TMPRSS15: variants seen among roughly 807,000 people sequenced by gnomAD.
The protein encoded by TMPRSS15 is enteropeptidase.
A neutral mutation model predicts 125.3 loss-of-function variants in TMPRSS15; 128 were observed. The ratio of observed to expected loss-of-function variants is 1.02; its 90% CI spans 0.89 to 1.18. TMPRSS15 has a LOEUF of 1.18. Among genes scored for constraint, TMPRSS15 ranks in the 50% most tolerant of loss-of-function variants. The probability of loss-of-function intolerance (pLI) is 0.00; values close to 1 mark genes in which losing one functional copy is unlikely to be tolerated. For missense variants in TMPRSS15, 1,283 were observed against 1,212.7 expected (o/e 1.06, Z -0.86); for synonymous variants, 446 against 423.2 (o/e 1.05, Z -0.66).
intron 13 of TMPRSS15, among the ~76,000 whole-genome samples, chr21:18,332,955 G>C (rs904055530): frequency 6.6e-6 from 1 of 152,126 alleles, no homozygotes; most frequent in Admixed American, 6.6e-5. Context: ...GACATGGATG[G>C]AGCTGGAGAC....
At chr21:18,466,331 C>T (rs931031129) in intron 1 of TMPRSS15, among the ~76,000 whole-genome samples, 15 of 152,186 alleles carry the variant, frequency 9.9e-5, no homozygotes, top group African/African-American at 2.6e-4. Flanking sequence ...CTAGGCATTA[C>T]CATTCAGGAC....
chr21:18,291,796 C>T (rs7278018), intron 21 of TMPRSS15, among the ~76,000 whole-genome samples: 53,861 of 151,968 alleles, frequency 0.35, 11,285 homozygotes, highest in East Asian at 0.58. Flanking sequence ...GAGTAAAATG[C>T]GTGGTTGGTA....
At chr21:18,316,652 G>T (rs917249465) in intron 16 of TMPRSS15, among the ~76,000 whole-genome samples, 1 of 151,856 alleles carries the variant, frequency 6.6e-6, no homozygotes, top group African/African-American at 2.4e-5. Context: ...GAAGAAACTG[G>T]GTAGATCTGG....
At chr21:18,280,585 A>AAAACAACAAC (rs1160050825) in intron 22 of TMPRSS15, among the ~76,000 whole-genome samples, 5 of 148,302 alleles carry the variant, frequency 3.4e-5, no homozygotes, top group African/African-American at 1.0e-4. Flanking sequence ...CAAAAAAAAA[A>AAAACAACAAC]AAAAAAAAAA....
chr21:18,460,598 ACT>A (rs1265940878), intron 1 of TMPRSS15: 1 of 152,176 alleles, frequency 6.6e-6, no homozygotes, highest in African/African-American at 2.4e-5. Flanking sequence ...GCAAATGCAA[ACT>A]CTGCAGGGTG....
At chr21:18,479,336 C>T (rs910766453) in intron 1 of TMPRSS15, among the ~76,000 whole-genome samples, 1 of 151,748 alleles carries the variant, frequency 6.6e-6, no homozygotes, top group African/African-American at 2.4e-5. Flanking sequence ...CAGAATTCAC[C>T]AAAACTTAGG....
At chr21:18,409,510 T>A (rs1161716133) in intron 1 of TMPRSS15, among the ~76,000 whole-genome samples, 1 of 152,144 alleles carries the variant, frequency 6.6e-6, no homozygotes, top group Non-Finnish European at 1.5e-5. Flanking sequence ...ACTTTTCTTG[T>A]AATTATTTCA....
chr21:18,455,190 C>T (rs1978415908), intron 1 of TMPRSS15, among the ~76,000 whole-genome samples: 1 of 152,098 alleles, frequency 6.6e-6, no homozygotes, highest in African/African-American at 2.4e-5. Flanking sequence ...TGAGGCTTCC[C>T]CAGCCATGTG....
chr21:18,403,751 A>T lies in TMPRSS15; in HGVS notation c.-129T>A, dbSNP rs1420122043. On this transcript the variant is annotated 5_prime_UTR_variant, in exon 1 of 25. Transcript: ENST00000284885. ...ACAACCACCTGTCTACATGCATACC[A>T]GTCAGTGTAAGTGAGTTGTGTATGT... 23 of 1,127,668 alleles carry T rather than the reference A, an allele frequency of 2.0e-5. No homozygotes were observed. Among genetic ancestry groups the T allele is most frequent in the Non-Finnish European group, 3.0e-5 (23 of 769,380 alleles). 69.9% of individuals were successfully genotyped at this position (1,127,668 alleles called of 1,614,324 possible).
intron 8 of TMPRSS15, among the ~76,000 whole-genome samples, chr21:18,356,886 T>G (rs1020126064): frequency 6.6e-6 from 1 of 151,868 alleles, no homozygotes; most frequent in South Asian, 2.1e-4. Flanking sequence ...CACTTCTGTG[T>G]GCCTCAGGAT....
chr21:18,335,706 A>T (rs2075384946), intron 13 of TMPRSS15, among the ~76,000 whole-genome samples: 1 of 152,252 alleles, frequency 6.6e-6, no homozygotes, highest in Non-Finnish European at 1.5e-5. Flanking sequence ...ACTGTAAAGA[A>T]TTGGTAAAAA....
At chr21:18,388,031 T>C (rs1329751921) in intron 3 of TMPRSS15, among the ~76,000 whole-genome samples, 3 of 152,178 alleles carry the variant, frequency 2.0e-5, no homozygotes, top group African/African-American at 7.2e-5. Context: ...TGTTTCATTG[T>C]TACTCTCTCT....
chr21:18,337,849 C>A (rs1260572670), intron 13 of TMPRSS15, among the ~76,000 whole-genome samples: 1 of 152,112 alleles, frequency 6.6e-6, no homozygotes, highest in African/African-American at 2.4e-5. Context: ...TTCACTGAAC[C>A]AATTGCAAAT....
intron 1 of TMPRSS15, among the ~76,000 whole-genome samples, chr21:18,401,605 G>A (rs2076095164): frequency 6.6e-6 from 1 of 152,158 alleles, no homozygotes; most frequent in Admixed American, 6.5e-5. Flanking sequence ...AGAGGGGCAA[G>A]GGTTGACAAA....
chr21:18,463,195 C>G (rs1978584626), intron 1 of TMPRSS15, among the ~76,000 whole-genome samples: 1 of 116,754 alleles, frequency 8.6e-6, no homozygotes, highest in Admixed American at 1.2e-4. Context: ...CAAAAACACG[C>G]ATAGGCTCAA....
intron 1 of TMPRSS15, among the ~76,000 whole-genome samples, chr21:18,462,231 A>G (rs1330640623): frequency 6.6e-6 from 1 of 152,174 alleles, no homozygotes; most frequent in Non-Finnish European, 1.5e-5. Context: ...AAGACTAAAA[A>G]TTGCATTCAA....
At chr21:18,427,181 T>C (rs1601459154) in intron 1 of TMPRSS15, among the ~76,000 whole-genome samples, 1 of 152,222 alleles carries the variant, frequency 6.6e-6, no homozygotes, top group Non-Finnish European at 1.5e-5. Flanking sequence ...TCTCTCTCCT[T>C]CGCTAGCTCA....
intron 10 of TMPRSS15, among the ~76,000 whole-genome samples, chr21:18,347,525 T>C (rs8130619): frequency 0.73 from 111,056 of 152,094 alleles, 41,104 homozygotes; most frequent in East Asian, 0.89. Flanking sequence ...CCACTGCACC[T>C]GGCCTGTTGT....
At chr21:18,345,267 T>A (rs1445437520) in intron 10 of TMPRSS15, among the ~76,000 whole-genome samples, 2 of 152,204 alleles carry the variant, frequency 1.3e-5, no homozygotes, top group Non-Finnish European at 2.9e-5. Flanking sequence ...CTGTAATATT[T>A]CATGAGTACA....
Sources: gnomAD v4.1 joint callset for allele counts (sites outside exome capture counted in the v4.1 genomes callset) on GRCh38, gnomAD v4.1.1 for gene constraint, MANE v1.5 for transcripts, NCBI Gene and HGNC (gene_info 2026-07-23, HGNC 2026-07-21) for gene names.